NCAM1: variants seen among roughly 807,000 people sequenced by gnomAD.
The protein encoded by NCAM1 is neural cell adhesion molecule 1.
Under a neutral mutation model 109.8 loss-of-function variants are expected in NCAM1, and 14 were observed. The ratio of observed to expected loss-of-function variants is 0.13; its 90% CI spans 0.08 to 0.20. The LOEUF is 0.20. Among genes scored for constraint, NCAM1 ranks in the 10% least tolerant of loss-of-function variants. The probability of loss-of-function intolerance (pLI) is 1.00; values close to 1 mark genes in which losing one functional copy is unlikely to be tolerated. For missense variants in NCAM1, 774 were observed against 1,109.9 expected, an observed-to-expected ratio of 0.70 and a Z score of 4.30; for synonymous variants, 418 against 442.9, an observed-to-expected ratio of 0.94 and a Z score of 0.70.
At chr11:113,123,916 C>T (rs372063102) in intron 1 of NCAM1, among the ~76,000 whole-genome samples, 1 of 152,110 alleles carries the variant, frequency 6.6e-6, no homozygotes, top group Non-Finnish European at 1.5e-5. Context: ...TTCCTGACCC[C>T]TCTTGCCCTA....
intron 14 of NCAM1, among the ~76,000 whole-genome samples, chr11:113,237,641 A>G (rs1555118501): frequency 6.6e-6 from 1 of 152,202 alleles, no homozygotes. Context: ...CTTGTGGTTC[A>G]ACTGAGTCTC....
intron 1 of NCAM1, among the ~76,000 whole-genome samples, chr11:113,000,817 C>CATATATATATATATATATATATAT (rs375984527): frequency 7.0e-5 from 9 of 129,448 alleles, no homozygotes; most frequent in African/African-American, 2.2e-4. Flanking sequence ...ATTATATATA[C>CATATATATATATATATATATATAT]ATATATATAT....
At chr11:113,112,691 A>G (rs575177468) in intron 1 of NCAM1, among the ~76,000 whole-genome samples, 1 of 152,316 alleles carries the variant, frequency 6.6e-6, no homozygotes, top group South Asian at 2.1e-4. Flanking sequence ...GGTCTTGCTG[A>G]ACGTGGCCAG....
intron 1 of NCAM1, among the ~76,000 whole-genome samples, chr11:113,062,989 G>T (rs1190552295): frequency 6.6e-6 from 1 of 152,034 alleles, no homozygotes; most frequent in Non-Finnish European, 1.5e-5. Context: ...AGGAAACCAG[G>T]TCTGTGAAGA....
chr11:113,065,921 G>A (rs1414537116), intron 1 of NCAM1, among the ~76,000 whole-genome samples: 1 of 152,210 alleles, frequency 6.6e-6, no homozygotes, highest in African/African-American at 2.4e-5. Flanking sequence ...TGAAGTGTAT[G>A]TGAACACAAT....
At chr11:113,025,801 GAGAGAGAGAGAGAGAGAGA>G (rs1952525617) in intron 1 of NCAM1, among the ~76,000 whole-genome samples, 1 of 149,512 alleles carries the variant, frequency 6.7e-6, no homozygotes, top group Non-Finnish European at 1.5e-5. Flanking sequence ...GAGAGAGAGA[GAGAGAGAGAGAGAGAGAGA>G]GAGGGAGAGA....
At position 113,204,225 on chromosome 11, in the gene NCAM1, T is replaced by C. The variant is rs868972741; in HGVS notation, c.128-61T>C. 119 of 1,386,860 alleles carry C rather than the reference T, an allele frequency of 8.6e-5. 1 individual carries two copies. The Middle Eastern group carries it at 1.6e-3, about 19-fold the overall frequency. 85.9% of individuals were successfully genotyped at this position (1,386,860 alleles called of 1,614,324 possible). On this transcript the variant is annotated intron_variant, in intron 2 of 19. Transcript: ENST00000316851. The stretch of plus-strand genomic sequence containing the variant: ...TCTTACTGATCAGCCACTGTCAGTC[T>C]GGAGGGGACTTATTAGTCTTTTCGA...
In NCAM1 at chr11:113,240,856, A is replaced by G. The variant is rs576780842; in HGVS notation, c.1826-5512A>G. 165 of 1,606,968 alleles carry G rather than the reference A, an allele frequency of 1.0e-4. 4 individuals are homozygous for G. The South Asian group carries it at 1.8e-3, about 17-fold the overall frequency. ...ATAGTGAGTATCATTTTCTTCATCC[A>G]TCTCTCTGCAGGTCACTTTCCACCA... On this transcript the variant is annotated intron_variant, in intron 14 of 19. Transcript: ENST00000316851.
At chr11:113,268,372 G>A (rs1223988560) in intron 17 of NCAM1, among the ~76,000 whole-genome samples, 3 of 152,158 alleles carry the variant, frequency 2.0e-5, no homozygotes, top group African/African-American at 4.8e-5. Context: ...AGAGTTCTTC[G>A]CCATCTCAAG....
chr11:113,141,892 G>A (rs1484099612), intron 1 of NCAM1, among the ~76,000 whole-genome samples: 1 of 152,096 alleles, frequency 6.6e-6, no homozygotes, highest in Non-Finnish European at 1.5e-5. Context: ...AGTAGGAGTT[G>A]AAAGAAGGAT....
intron 1 of NCAM1, among the ~76,000 whole-genome samples, chr11:113,058,065 A>G (rs1478603295): frequency 6.6e-6 from 1 of 152,106 alleles, no homozygotes; most frequent in Non-Finnish European, 1.5e-5. Context: ...TGGGCGTATT[A>G]TGAGGCCACG....
intron 1 of NCAM1, among the ~76,000 whole-genome samples, chr11:113,010,432 G>T (rs1238256623): frequency 6.6e-6 from 1 of 152,092 alleles, no homozygotes; most frequent in Non-Finnish European, 1.5e-5. Context: ...TCCTTATTCT[G>T]ATGAATAACA....
chr11:113,132,605 T>TGC (rs1491212417), intron 1 of NCAM1, among the ~76,000 whole-genome samples: 2 of 6,882 alleles, frequency 2.9e-4, no homozygotes, highest in Non-Finnish European at 7.0e-4. Flanking sequence ...TTAGGAAGCA[T>TGC]GTGTGTGTGT....
intron 7 of NCAM1, among the ~76,000 whole-genome samples, chr11:113,210,573 G>A (rs1020373254): frequency 6.6e-6 from 1 of 152,134 alleles, no homozygotes; most frequent in African/African-American, 2.4e-5. Context: ...ACTTGGCTGG[G>A]CATGAACAGA....
intron 1 of NCAM1, among the ~76,000 whole-genome samples, chr11:113,040,260 G>A (rs1252058154): frequency 1.3e-5 from 2 of 152,112 alleles, no homozygotes; most frequent in African/African-American, 4.8e-5. Context: ...CTCAATTTGG[G>A]TTAGCTACAA....
At chr11:113,251,621 T>C (rs782180591) in intron 15 of NCAM1, among the ~76,000 whole-genome samples, 129 of 152,150 alleles carry the variant, frequency 8.5e-4, no homozygotes, top group Non-Finnish European at 1.4e-3. Context: ...ACATAATACA[T>C]TTTGGGGGGA....
chr11:113,196,994 G>T (rs1485913450), intron 1 of NCAM1, among the ~76,000 whole-genome samples: 1 of 152,178 alleles, frequency 6.6e-6, no homozygotes, highest in Non-Finnish European at 1.5e-5. Context: ...AATCATGGTG[G>T]AAGGGAAAGC....
intron 1 of NCAM1, among the ~76,000 whole-genome samples, chr11:113,196,960 C>CT (rs1470249987): frequency 1.3e-5 from 2 of 152,172 alleles, no homozygotes; most frequent in Non-Finnish European, 1.5e-5. Flanking sequence ...TTCTGCATGG[C>CT]TGGGGAAGCC....
rs1940745186 is a variant in NCAM1 at position 113,117,083 on chromosome 11, G to C, written c.53-85296G>C. Among the ~76,000 whole-genome samples the C allele has an allele frequency of 1.3e-5, 2 of 151,796 alleles. 1 individual carries two copies. The highest frequency in any genetic ancestry group is 4.9e-5 in the African/African-American group (2 of 41,180). ...CAAATTGGCCTTCAATATTTCATGT[G>C]CCAAGAATATGTTACAAAATTGGGG... is the stretch of plus-strand genomic sequence containing the variant. On this transcript the variant is annotated intron_variant, in intron 1 of 19. Coordinates refer to ENST00000316851, the MANE Select transcript of NCAM1 (RefSeq NM_181351.5).
Sources: gnomAD v4.1 joint callset for allele counts (sites outside exome capture counted in the v4.1 genomes callset) on GRCh38, gnomAD v4.1.1 for gene constraint, MANE v1.5 for transcripts, NCBI Gene and HGNC (gene_info 2026-07-23, HGNC 2026-07-21) for gene names.